Variants in FGGY observed in about 807,000 individuals in gnomAD.
FGGY encodes FGGY carbohydrate kinase domain-containing protein.
In FGGY, 72 loss-of-function variants were observed where a neutral mutation model predicts 71.3. That is an observed-to-expected ratio of 1.01 (90% CI 0.84 to 1.23). The LOEUF is 1.23. FGGY is among the 50% of genes most tolerant of loss of function. The probability of loss-of-function intolerance (pLI) is 0.00; values close to 1 mark genes in which losing one functional copy is unlikely to be tolerated. For synonymous variants in FGGY, 251 were observed against 250.3 expected (o/e 1.00, Z -0.02); for missense variants, 668 against 682.3 (o/e 0.98, Z 0.23).
chr1:59,540,710 G>A (rs1481112696), intron 7 of FGGY, among the ~76,000 whole-genome samples: 2 of 152,162 alleles, frequency 1.3e-5, no homozygotes, highest in African/African-American at 4.8e-5. Context: ...AAGGCTCTGG[G>A]CCGCCCTGTG....
At chr1:59,301,524 G>A (rs1208618337) in intron 1 of FGGY, among the ~76,000 whole-genome samples, 4 of 152,158 alleles carry the variant, frequency 2.6e-5, no homozygotes, top group Non-Finnish European at 5.9e-5. Context: ...TTCCTGATCT[G>A]AGGGAGATGC....
intron 10 of FGGY, among the ~76,000 whole-genome samples, chr1:59,636,246 A>G (rs2096958113): frequency 6.6e-6 from 1 of 152,110 alleles, no homozygotes; most frequent in Non-Finnish European, 1.5e-5. Flanking sequence ...TCACATTTAC[A>G]CACTCACTCA....
chr1:59,704,291 C>T (rs1397550894), intron 14 of FGGY, among the ~76,000 whole-genome samples: 2 of 152,212 alleles, frequency 1.3e-5, no homozygotes, highest in Admixed American at 6.5e-5. Flanking sequence ...GCAAGTGTTT[C>T]TGTCTCTGTT....
intron 14 of FGGY, among the ~76,000 whole-genome samples, chr1:59,704,458 T>G (rs2097737119): frequency 6.6e-6 from 1 of 152,182 alleles, no homozygotes; most frequent in African/African-American, 2.4e-5. Context: ...ATGTCTGTCT[T>G]ACATTTTTTA....
At chr1:59,402,194 C>T (rs1438096971) in intron 5 of FGGY, among the ~76,000 whole-genome samples, 2 of 152,148 alleles carry the variant, frequency 1.3e-5, no homozygotes, top group South Asian at 2.1e-4. Context: ...TGTGAACATT[C>T]GTTGCCTCTT....
chr1:59,506,308 T>G (rs2094380982), intron 6 of FGGY, among the ~76,000 whole-genome samples: 1 of 151,008 alleles, frequency 6.6e-6, no homozygotes, highest in African/African-American at 2.5e-5. Flanking sequence ...TTTCTGGAAG[T>G]TTATGTGCTT....
chr1:59,511,721 T>C (rs184797636), intron 6 of FGGY, among the ~76,000 whole-genome samples: 1 of 152,354 alleles, frequency 6.6e-6, no homozygotes, highest in East Asian at 1.9e-4. Context: ...TATTATATGA[T>C]TGTGCAAGTG....
At chr1:59,564,023 T>G (rs2095837348) in intron 8 of FGGY, among the ~76,000 whole-genome samples, 1 of 152,132 alleles carries the variant, frequency 6.6e-6, no homozygotes, top group South Asian at 2.1e-4. Flanking sequence ...TCCTTACACC[T>G]TATACAAAAA....
intron 9 of FGGY, among the ~76,000 whole-genome samples, chr1:59,615,106 A>G (rs1244810068): frequency 6.6e-6 from 1 of 152,234 alleles, no homozygotes; most frequent in African/African-American, 2.4e-5. Flanking sequence ...TGCCATCCCC[A>G]TCAAGCTACT....
intron 6 of FGGY, among the ~76,000 whole-genome samples, chr1:59,480,213 C>A (rs572186825): frequency 6.6e-6 from 1 of 152,284 alleles, no homozygotes; most frequent in East Asian, 1.9e-4. Context: ...CTTCTCAAGT[C>A]TTCCCAATGC....
chr1:59,629,076 G>T (rs2096884520), intron 10 of FGGY, among the ~76,000 whole-genome samples: 1 of 152,086 alleles, frequency 6.6e-6, no homozygotes, highest in South Asian at 2.1e-4. Flanking sequence ...TGGGATGGGG[G>T]GATAGGGGAG....
chr1:59,704,446 G>A lies in FGGY; in HGVS notation c.1512+30313G>A, dbSNP rs1024910188. Among the ~76,000 whole-genome samples the A allele has an allele frequency of 2.2e-4, 33 of 152,004 alleles. 1 individual carries two copies. Among genetic ancestry groups the A allele is most frequent in the East Asian group, 1.9e-4 (1 of 5,186 alleles). ...AAAAGTAATCACTATTATGCGTTTTGTATGTCTGTCTTACATTTTTTATGT... is the reference window on the plus strand; with the variant it reads ...AAAAGTAATCACTATTATGCGTTTTATATGTCTGTCTTACATTTTTTATGT... On this transcript the variant is annotated intron_variant, in intron 14 of 15. Coordinates refer to ENST00000303721, the MANE Select transcript of FGGY (RefSeq NM_018291.5).
intron 14 of FGGY, among the ~76,000 whole-genome samples, chr1:59,686,723 C>T (rs12075616): frequency 0.043 from 6,586 of 151,886 alleles, 342 homozygotes; most frequent in African/African-American, 0.12. Flanking sequence ...TACTATTAGC[C>T]GTATGATTCA....
At chr1:59,497,591 CAAACAAAG>C (rs934250850) in intron 6 of FGGY, among the ~76,000 whole-genome samples, 2 of 152,098 alleles carry the variant, frequency 1.3e-5, no homozygotes, top group African/African-American at 4.8e-5. Flanking sequence ...CCGTCTCAAA[CAAACAAAG>C]AAACAAAAAA....
At chr1:59,529,469 T>G (rs2095081041) in intron 7 of FGGY, among the ~76,000 whole-genome samples, 2 of 152,152 alleles carry the variant, frequency 1.3e-5, no homozygotes, top group Admixed American at 1.3e-4. Context: ...AATAGGTGTA[T>G]TCTCCACTGG....
At chr1:59,729,152 G>A (rs1397494968) in intron 14 of FGGY, among the ~76,000 whole-genome samples, 1 of 151,466 alleles carries the variant, frequency 6.6e-6, no homozygotes, top group African/African-American at 2.4e-5. Context: ...TCCTTGTTAA[G>A]GCCATCAAAG....
chr1:59,736,296 C>T (rs997034213), intron 14 of FGGY, among the ~76,000 whole-genome samples: 14 of 152,054 alleles, frequency 9.2e-5, no homozygotes, highest in African/African-American at 3.4e-4. Context: ...AGTAAATTGG[C>T]ACCGGGAGTG....
intron 2 of FGGY, among the ~76,000 whole-genome samples, chr1:59,338,513 C>A (rs1474280601): frequency 6.7e-6 from 1 of 149,816 alleles, no homozygotes; most frequent in Non-Finnish European, 1.5e-5. Flanking sequence ...TTTGATTTTT[C>A]AAAAAAAAAG....
chr1:59,502,112 A>G (rs1036377144), intron 6 of FGGY, among the ~76,000 whole-genome samples: 1 of 152,350 alleles, frequency 6.6e-6, no homozygotes, highest in East Asian at 1.9e-4. Context: ...GTTGCAGGGA[A>G]GTTAAATCAC....
Sources: allele counts gnomAD v4.1 joint callset (sites outside exome capture counted in the v4.1 genomes callset), GRCh38; gene constraint gnomAD v4.1.1; transcripts MANE v1.5; gene names NCBI Gene and HGNC (gene_info 2026-07-23, HGNC 2026-07-21).